SFMBT2: variants seen among roughly 807,000 people sequenced by gnomAD.
SFMBT2 encodes scm-like with four MBT domains protein 2.
In SFMBT2, 38 loss-of-function variants were observed where a neutral mutation model predicts 110.1. That is an observed-to-expected ratio of 0.35 (90% CI 0.27 to 0.45). SFMBT2 has a LOEUF of 0.45. Ranked by LOEUF, SFMBT2 falls within the 20% of genes least tolerant of loss-of-function variation. The pLI is 1.00. For missense variants in SFMBT2, 1,011 were observed against 1,094.9 expected, an observed-to-expected ratio of 0.92 and a Z score of 1.08; for synonymous variants, 425 against 425.4, an observed-to-expected ratio of 1.00 and a Z score of 0.01.
chr10:7,183,692 G>C (rs1838310711), intron 16 of SFMBT2, among the ~76,000 whole-genome samples: 1 of 152,196 alleles, frequency 6.6e-6, no homozygotes, highest in Non-Finnish European at 1.5e-5. Context: ...GCCTGGCCAT[G>C]AAGAAGAGAG....
intron 1 of SFMBT2, among the ~76,000 whole-genome samples, chr10:7,396,164 G>A (rs1206079510): frequency 6.6e-6 from 1 of 152,150 alleles, no homozygotes; most frequent in African/African-American, 2.4e-5. Flanking sequence ...AGGGAGAATC[G>A]CTTGAACCCA....
chr10:7,239,791 G>A (rs1352590874), intron 9 of SFMBT2, among the ~76,000 whole-genome samples: 2 of 152,154 alleles, frequency 1.3e-5, no homozygotes, highest in Admixed American at 1.3e-4. Context: ...TAAGAAGGAG[G>A]AACATTACAA....
chr10:7,396,247 A>C (rs1237814590), intron 1 of SFMBT2, among the ~76,000 whole-genome samples: 1 of 152,232 alleles, frequency 6.6e-6, no homozygotes, highest in Admixed American at 6.5e-5. Flanking sequence ...AGACTGTCTC[A>C]AACAAGACAA....
At chr10:7,341,953 A>G (rs902022184) in intron 4 of SFMBT2, among the ~76,000 whole-genome samples, 13 of 152,216 alleles carry the variant, frequency 8.5e-5, no homozygotes, top group Admixed American at 5.9e-4. Flanking sequence ...GAAAGGTGCC[A>G]ACCAGAGCAA....
intron 14 of SFMBT2, 59 bp from the exon 15 acceptor site, chr10:7,197,746 C>G (rs1838823908): frequency 6.4e-7 from 1 of 1,572,170 alleles, no homozygotes; most frequent in South Asian, 1.2e-5. Context: ...CCTAGGGGAC[C>G]CCTAGACCCT....
intron 16 of SFMBT2, among the ~76,000 whole-genome samples, chr10:7,177,068 C>T (rs1247926520): frequency 6.6e-6 from 1 of 152,174 alleles, no homozygotes; most frequent in African/African-American, 2.4e-5. Flanking sequence ...CTTCCACCTG[C>T]TCTCCAGTCC....
intron 11 of SFMBT2, chr10:7,215,743 T>C (rs1588347681): frequency 2.0e-6 from 2 of 985,360 alleles, no homozygotes; most frequent in South Asian, 9.4e-5. Context: ...TTCATAGACA[T>C]CAGGGCCTGA....
At chr10:7,289,941 TA>T (rs1319945826) in intron 4 of SFMBT2, among the ~76,000 whole-genome samples, 1 of 152,190 alleles carries the variant, frequency 6.6e-6, no homozygotes, top group African/African-American at 2.4e-5. Flanking sequence ...CTAGAAATTT[TA>T]AAACTATAAA....
At chr10:7,243,118 C>T (rs918558447) in intron 9 of SFMBT2, among the ~76,000 whole-genome samples, 27 of 152,164 alleles carry the variant, frequency 1.8e-4, no homozygotes, top group African/African-American at 3.9e-4. Flanking sequence ...AGTATTATAG[C>T]ATCTAATTGT....
At chr10:7,209,817 C>T (rs3002160) in intron 11 of SFMBT2, among the ~76,000 whole-genome samples, 151,546 of 152,350 alleles carry the variant, frequency 0.99, 75,380 homozygotes, top group East Asian at 1. Context: ...ACCTTTATGA[C>T]TTTTTGGCCT....
At chr10:7,244,120 A>C in intron 8 of SFMBT2, 4 of 469,732 alleles carry the variant, frequency 8.5e-6, no homozygotes, top group Non-Finnish European at 1.1e-5. Context: ...CAGATCACTC[A>C]AGAATCTCCA....
Position 7,317,572 on chromosome 10 carries a change from C to T in SFMBT2, c.437-31618G>A, listed in dbSNP as rs571614059. Among the ~76,000 whole-genome samples, 14 of 134,018 alleles carry T rather than the reference C, an allele frequency of 1.0e-4. No homozygotes were observed. In the South Asian group the frequency reaches 2.1e-3, roughly 20 times the overall value. The allele number at this position is 134,018 out of a possible 152,430, so 87.9% of individuals were successfully genotyped here. A position where few individuals can be genotyped will look rare whatever the true frequency, so the allele number is the denominator to read the frequency against. On this transcript the variant is annotated intron_variant, in intron 4 of 20. Coordinates refer to ENST00000397167, the MANE Select transcript of SFMBT2 (RefSeq NM_001387889.1). ...AGGAGAACCACTTGAACTCAGGAGG[C>T]GGAGGTTGCGGTGAGCGAAGATCAT...
chr10:7,368,231 G>T, intron 3 of SFMBT2: 1 of 586,388 alleles, frequency 1.7e-6, no homozygotes, highest in Non-Finnish European at 2.1e-6. Context: ...TCTAAAACCT[G>T]GTGTGTATTC....
At chr10:7,333,180 T>A (rs890554555) in intron 4 of SFMBT2, among the ~76,000 whole-genome samples, 6 of 152,196 alleles carry the variant, frequency 3.9e-5, no homozygotes, top group Non-Finnish European at 5.9e-5. Flanking sequence ...AACAAGTTTT[T>A]CTGATCATAC....
chr10:7,349,419 G>A (rs957042702), intron 4 of SFMBT2, among the ~76,000 whole-genome samples: 1 of 112,884 alleles, frequency 8.9e-6, no homozygotes, highest in Non-Finnish European at 1.8e-5. Context: ...TTCAAGCCCT[G>A]ACTCTTTTTT....
At chr10:7,256,297 A>G (rs2131755591) in intron 7 of SFMBT2, among the ~76,000 whole-genome samples, 1 of 152,366 alleles carries the variant, frequency 6.6e-6, no homozygotes, top group South Asian at 2.1e-4. Context: ...AATAATTAGT[A>G]CAAGCAAACA....
At chr10:7,215,888 C>T (rs11255041) in intron 11 of SFMBT2, 90,646 of 200,334 alleles carry the variant, frequency 0.45, 22,071 homozygotes, top group East Asian at 0.86. Context: ...TCCCAGCCAC[C>T]AGGAGCAGCT....
At chr10:7,282,084 G>A (rs952288703) in intron 6 of SFMBT2, among the ~76,000 whole-genome samples, 10 of 152,136 alleles carry the variant, frequency 6.6e-5, no homozygotes, top group African/African-American at 9.7e-5. Flanking sequence ...GAGCTCAGGC[G>A]TGAGCCATCA....
chr10:7,372,782 C>T (rs908254215), intron 2 of SFMBT2, among the ~76,000 whole-genome samples: 2 of 152,238 alleles, frequency 1.3e-5, no homozygotes, highest in African/African-American at 4.8e-5. Context: ...TCTGCCCCAA[C>T]GTCCTGATGC....
Sources: gnomAD v4.1 joint callset for allele counts (sites outside exome capture counted in the v4.1 genomes callset) on GRCh38, gnomAD v4.1.1 for gene constraint, MANE v1.5 for transcripts, NCBI Gene and HGNC (gene_info 2026-07-23, HGNC 2026-07-21) for gene names.